The following SRGAP2 variants were observed in gnomAD, a reference collection of about 807,000 sequenced individuals.
SRGAP2 encodes SLIT-ROBO Rho GTPase activating protein 2.
A neutral mutation model predicts 57.2 loss-of-function variants in SRGAP2; 15 were observed. That is an observed-to-expected ratio of 0.26 (90% CI 0.18 to 0.40). SRGAP2 has a LOEUF of 0.40. Among genes scored for constraint, SRGAP2 ranks in the 10% least tolerant of loss-of-function variants. The pLI is 1.00. For missense variants in SRGAP2, 520 were observed against 669.6 expected (o/e 0.78, Z 2.47); for synonymous variants, 249 against 248.0 (o/e 1.00, Z -0.04).
chr1:206,338,298 T>G (rs1674930901), intron 3 of SRGAP2, among the ~76,000 whole-genome samples: 1 of 18,928 alleles, frequency 5.3e-5, no homozygotes, highest in Admixed American at 5.2e-4. Flanking sequence ...TTATACAACC[T>G]AAGGCTCTGG....
At position 206,438,107 on chromosome 1, in the gene SRGAP2, C is replaced by G. The variant is rs782414895; in HGVS notation, c.1768+9C>G. ...CCTGATGGCCTGCGTCAGTAAGTACCATTCTGGCTTCAGATTGGCTTCTGG... is the reference window on the plus strand; with the variant it reads ...CCTGATGGCCTGCGTCAGTAAGTACGATTCTGGCTTCAGATTGGCTTCTGG... On this transcript the variant is annotated intron_variant, in intron 16 of 22. Coordinates refer to ENST00000573034, the MANE Select transcript of SRGAP2 (RefSeq NM_015326.5). The G allele has an allele frequency of 6.4e-6, 5 of 780,522 alleles. No homozygotes were observed. Among genetic ancestry groups the G allele is most frequent in the South Asian group, 1.3e-5 (1 of 74,556 alleles). The allele number at this position is 780,522 out of a possible 1,614,324, so 48.3% of individuals were successfully genotyped here.
intron 16 of SRGAP2, 27 bp from the exon 17 acceptor site, chr1:206,439,949 G>C (rs782088996): frequency 1.3e-6 from 1 of 779,044 alleles, no homozygotes; most frequent in Non-Finnish European, 2.4e-6. Context: ...CATAGTGGAG[G>C]ATAACACATG....
intron 13 of SRGAP2, among the ~76,000 whole-genome samples, chr1:206,429,423 G>C (rs1661098619): frequency 6.6e-6 from 1 of 152,230 alleles, no homozygotes; most frequent in East Asian, 1.9e-4. Flanking sequence ...ATTGACATAG[G>C]ATCTGCTCTT....
intron 19 of SRGAP2, among the ~76,000 whole-genome samples, chr1:206,452,473 A>G (rs1416960851): frequency 6.6e-6 from 1 of 152,224 alleles, no homozygotes; most frequent in Non-Finnish European, 1.5e-5. Context: ...TACATTTTCT[A>G]CAATTACTGG....
chr1:206,461,883 TACACACACACACATTTTACAC>T lies in SRGAP2; in HGVS notation c.*477_*497del, dbSNP rs1424850926. 6.8e-6 allele frequency: 1 copy of T among 147,794 alleles called. No homozygotes were observed. The highest frequency in any genetic ancestry group is 1.4e-5 in the Non-Finnish European group (1 of 69,078). The allele number at this position is 147,794 out of a possible 1,614,324, so 9.2% of individuals were successfully genotyped here. A position where few individuals can be genotyped will look rare whatever the true frequency, so the allele number is the denominator to read the frequency against. On this transcript the variant is annotated 3_prime_UTR_variant, in exon 23 of 23. Transcript: ENST00000573034. ...TCATTTTACATACACACACATATTT[TACACACACACACATTTTACAC>T]ACACACACACACACACACACACACA...
chr1:206,432,033 A>G (rs1487793526), intron 14 of SRGAP2, among the ~76,000 whole-genome samples: 1 of 152,260 alleles, frequency 6.6e-6, no homozygotes, highest in Non-Finnish European at 1.5e-5. Flanking sequence ...TCTGAGGAAG[A>G]TGGGAAGCCA....
intron 4 of SRGAP2, among the ~76,000 whole-genome samples, chr1:206,360,191 T>C (rs1553340380): frequency 6.6e-6 from 1 of 150,902 alleles, no homozygotes; most frequent in East Asian, 1.9e-4. Flanking sequence ...AATGAGGGAT[T>C]TTGCTGTTTA....
intron 5 of SRGAP2, among the ~76,000 whole-genome samples, chr1:206,385,079 A>T (rs1370166467): frequency 7.3e-6 from 1 of 137,086 alleles, no homozygotes; most frequent in East Asian, 2.1e-4. Flanking sequence ...GATGTTGCTG[A>T]TCCAGAAGCC....
In SRGAP2 at chr1:206,462,790, C is replaced by A. The variant is rs1664346190; in HGVS notation, c.*1370C>A. On this transcript the variant is annotated 3_prime_UTR_variant, in exon 23 of 23. Transcript: ENST00000573034. Reference sequence around the variant, plus strand: ...CTCTGGCCTTTTTTCTGGTTCCCTTCCAAAATGCACAAATCATACCCTTGT... The same window carrying A: ...CTCTGGCCTTTTTTCTGGTTCCCTTACAAAATGCACAAATCATACCCTTGT... 6.6e-6 allele frequency: 1 copy of A among 152,166 alleles called. No homozygotes were observed. Among genetic ancestry groups the A allele is most frequent in the African/African-American group, 2.4e-5 (1 of 41,430 alleles). 9.4% of individuals were successfully genotyped at this position (152,166 alleles called of 1,614,324 possible). A position where few individuals can be genotyped will look rare whatever the true frequency, so the allele number is the denominator to read the frequency against.
At chr1:206,326,575 A>G (rs1252374119) in intron 3 of SRGAP2, among the ~76,000 whole-genome samples, 2 of 152,228 alleles carry the variant, frequency 1.3e-5, no homozygotes, top group African/African-American at 4.8e-5. Context: ...ATGAAATAAG[A>G]AAACGGTTAC....
chr1:206,417,522 A>G (rs1435497363), intron 11 of SRGAP2, among the ~76,000 whole-genome samples: 4 of 151,132 alleles, frequency 2.6e-5, no homozygotes, highest in African/African-American at 7.3e-5. Context: ...GGTTAAAGCA[A>G]TTCTACCACC....
At chr1:206,412,697 G>A (rs782339310) in intron 10 of SRGAP2, among the ~76,000 whole-genome samples, 4 of 150,512 alleles carry the variant, frequency 2.7e-5, no homozygotes, top group African/African-American at 1.0e-4. Context: ...ATTCTTCAGC[G>A]GTCTCAGCTC....
chr1:206,340,777 A>G (rs1675127317), intron 3 of SRGAP2, among the ~76,000 whole-genome samples: 1 of 149,494 alleles, frequency 6.7e-6, no homozygotes, highest in Non-Finnish European at 1.5e-5. Context: ...TACCATTTTG[A>G]ATTTAGGATT....
intron 3 of SRGAP2, among the ~76,000 whole-genome samples, chr1:206,334,956 T>C (rs1553333249): frequency 2.0e-5 from 3 of 150,780 alleles, no homozygotes; most frequent in Admixed American, 1.3e-4. Flanking sequence ...AATTGTAGAG[T>C]TGTTCACAGG....
Position 206,356,833 on chromosome 1 carries a change from C to T in SRGAP2, c.423+13825C>T, listed in dbSNP as rs532882203. Among the ~76,000 whole-genome samples the T allele has an allele frequency of 4.1e-5, 6 of 147,862 alleles. No individual in the cohort carries two copies. In the South Asian group the frequency reaches 1.3e-3, roughly 31 times the overall value. On this transcript the variant is annotated intron_variant, in intron 4 of 22. Coordinates refer to ENST00000573034, the MANE Select transcript of SRGAP2 (RefSeq NM_015326.5). ...TTTCTCTGGTCTTTTAGTTTTTCTA[C>T]TAGATCCTACCTTTCTTTGCTTTTA...
chr1:206,254,793 A>G (rs1553311904), intron 2 of SRGAP2, among the ~76,000 whole-genome samples: 1 of 151,512 alleles, frequency 6.6e-6, no homozygotes, highest in Non-Finnish European at 1.5e-5. Flanking sequence ...CCCTGCTTAT[A>G]GCCAGTAGAA....
chr1:206,240,067 C>T (rs1668118841), intron 2 of SRGAP2, among the ~76,000 whole-genome samples: 1 of 151,788 alleles, frequency 6.6e-6, no homozygotes, highest in African/African-American at 2.4e-5. Context: ...AGTTCGAGAC[C>T]AGCCTGACTA....
At chr1:206,460,953 T>C (rs1664215742) in intron 22 of SRGAP2, 84 bp from the exon 23 acceptor site, 3 of 627,920 alleles carry the variant, frequency 4.8e-6, no homozygotes, top group Non-Finnish European at 8.6e-6. Flanking sequence ...ATTTTCTTCA[T>C]GCCTTGGCCT....
In SRGAP2 at chr1:206,328,265, C is replaced by T. The variant is rs1433645543; in HGVS notation, c.261-14581C>T. 6.4e-5 allele frequency among the ~76,000 whole-genome samples: 6 copies of T among 93,228 alleles called. No homozygotes were observed. The East Asian group carries it at 1.5e-3, about 23-fold the overall frequency. The allele number at this position is 93,228 out of a possible 152,430, so 61.2% of individuals were successfully genotyped here. A position where few individuals can be genotyped will look rare whatever the true frequency, so the allele number is the denominator to read the frequency against. ...CTATTGTGAATAATGCCGCAATAAA[C>T]ATACGTGTGCATGTGTCTTTATAGC... On this transcript the variant is annotated intron_variant, in intron 3 of 22. Coordinates refer to ENST00000573034, the MANE Select transcript of SRGAP2 (RefSeq NM_015326.5).
Sources: allele counts gnomAD v4.1 joint callset (sites outside exome capture counted in the v4.1 genomes callset), GRCh38; gene constraint gnomAD v4.1.1; transcripts MANE v1.5; gene names NCBI Gene and HGNC (gene_info 2026-07-23, HGNC 2026-07-21).